The following NCAM1 variants were observed in gnomAD, a reference collection of about 807,000 sequenced individuals.
NCAM1 encodes neural cell adhesion molecule 1, also known as antigen recognized by monoclonal antibody 5.1H11.
NCAM1 carries 14 observed loss-of-function variants against 109.8 expected under a neutral mutation model. The observed-to-expected ratio is 0.13, with a 90% CI of 0.08 to 0.20. The LOEUF (loss-of-function observed/expected upper bound fraction) is 0.20. Among genes scored for constraint, NCAM1 ranks in the 10% least tolerant of loss-of-function variants. The pLI is 1.00. For synonymous variants in NCAM1, 418 were observed against 442.9 expected (o/e 0.94, Z 0.70); for missense variants, 774 against 1,109.9 (o/e 0.70, Z 4.30).
At chr11:113,018,928 C>G (rs1177596919) in intron 1 of NCAM1, among the ~76,000 whole-genome samples, 2 of 151,834 alleles carry the variant, frequency 1.3e-5, no homozygotes, top group Admixed American at 6.6e-5. Flanking sequence ...GAGGAAAGTG[C>G]TTATACAGAT....
At chr11:113,175,695 A>G (rs2136511694) in intron 1 of NCAM1, among the ~76,000 whole-genome samples, 1 of 152,364 alleles carries the variant, frequency 6.6e-6, no homozygotes, top group South Asian at 2.1e-4. Flanking sequence ...TGTTTTTCAT[A>G]CCATTCACCA....
intron 1 of NCAM1, among the ~76,000 whole-genome samples, chr11:113,009,322 T>G (rs797028955): frequency 0.16 from 20,383 of 131,186 alleles, 2,285 homozygotes; most frequent in African/African-American, 0.17. Flanking sequence ...GTTTTTTTTT[T>G]TTTTTTTTTT....
intron 19 of NCAM1, among the ~76,000 whole-genome samples, 199 bp downstream of exon 19, chr11:113,272,075 G>GT (rs1181078679): frequency 6.6e-6 from 1 of 152,110 alleles, no homozygotes; most frequent in Non-Finnish European, 1.5e-5. Context: ...TTCGGTGGCT[G>GT]TGGGTACCCT....
chr11:113,026,888 TA>T (rs1347276852), intron 1 of NCAM1, among the ~76,000 whole-genome samples: 1 of 152,208 alleles, frequency 6.6e-6, no homozygotes, highest in Admixed American at 6.5e-5. Flanking sequence ...GCCAGATATT[TA>T]GTATGTGGCA....
intron 1 of NCAM1, among the ~76,000 whole-genome samples, chr11:113,175,952 T>C (rs1379009563): frequency 6.6e-6 from 1 of 152,174 alleles, no homozygotes; most frequent in African/African-American, 2.4e-5. Context: ...CCTGATTTGA[T>C]TATGTGAATG....
rs542999416 is a variant in NCAM1, at chr11:113,065,862, A to T, written c.52+104198A>T. On this transcript the variant is annotated intron_variant, in intron 1 of 19. Coordinates refer to ENST00000316851, the MANE Select transcript of NCAM1 (RefSeq NM_181351.5). The stretch of plus-strand genomic sequence containing the variant: ...TATTGGTTCATTAATTACAACAAAT[A>T]TACCATGCTAATATAAGATGCTAAT... Among the ~76,000 whole-genome samples the T allele has an allele frequency of 7.9e-5, 12 of 152,384 alleles. No homozygotes were observed. The South Asian group carries it at 2.5e-3, about 32-fold the overall frequency.
At chr11:113,160,837 C>A (rs1467006449) in intron 1 of NCAM1, among the ~76,000 whole-genome samples, 1 of 152,174 alleles carries the variant, frequency 6.6e-6, no homozygotes, top group African/African-American at 2.4e-5. Flanking sequence ...GCTCGCTGGA[C>A]TCTGCTGGCC....
At chr11:113,074,099 C>A (rs9943574) in intron 1 of NCAM1, among the ~76,000 whole-genome samples, 33,691 of 152,048 alleles carry the variant, frequency 0.22, 4,014 homozygotes, top group East Asian at 0.48. Flanking sequence ...AAATAAGGTA[C>A]GTTATTTTAA....
At chr11:113,252,798 G>GTTTT (rs1565531031) in intron 15 of NCAM1, among the ~76,000 whole-genome samples, 4 of 44,780 alleles carry the variant, frequency 8.9e-5, no homozygotes, top group South Asian at 1.1e-3. Context: ...ACTATGCCCA[G>GTTTT]CTTTTTTTTT....
intron 1 of NCAM1, among the ~76,000 whole-genome samples, chr11:113,149,927 T>A (rs1942166047): frequency 6.6e-6 from 1 of 152,186 alleles, no homozygotes; most frequent in Non-Finnish European, 1.5e-5. Context: ...GATGTGGGAT[T>A]GACTCTCAGA....
At chr11:113,166,801 C>T (rs1321710664) in intron 1 of NCAM1, among the ~76,000 whole-genome samples, 1 of 152,162 alleles carries the variant, frequency 6.6e-6, no homozygotes, top group Non-Finnish European at 1.5e-5. Context: ...ATTCTACCTA[C>T]TGTATGTCAA....
chr11:112,996,058 A>T (rs1951588750), intron 1 of NCAM1, among the ~76,000 whole-genome samples: 1 of 152,158 alleles, frequency 6.6e-6, no homozygotes, highest in South Asian at 2.1e-4. Flanking sequence ...GATTTTTTTT[A>T]AAAGTCATTA....
chr11:113,058,360 G>A (rs921314609), intron 1 of NCAM1, among the ~76,000 whole-genome samples: 1 of 152,140 alleles, frequency 6.6e-6, no homozygotes, highest in African/African-American at 2.4e-5. Flanking sequence ...AGGGTGGTAT[G>A]TTTTCAATGA....
intron 1 of NCAM1, among the ~76,000 whole-genome samples, chr11:113,009,168 A>T (rs1237647475): frequency 6.6e-6 from 1 of 152,022 alleles, no homozygotes; most frequent in African/African-American, 2.4e-5. Context: ...TTCTTTTTCA[A>T]ATAGGACAGA....
At chr11:112,992,777 G>A (rs1951499085) in intron 1 of NCAM1, among the ~76,000 whole-genome samples, 1 of 152,202 alleles carries the variant, frequency 6.6e-6, no homozygotes, top group East Asian at 1.9e-4. Flanking sequence ...TAAGTGCTGG[G>A]ATTACAGGCG....
chr11:113,031,785 T>A (rs1174901240), intron 1 of NCAM1, among the ~76,000 whole-genome samples: 1 of 152,154 alleles, frequency 6.6e-6, no homozygotes, highest in Non-Finnish European at 1.5e-5. Flanking sequence ...CAACAGCAGC[T>A]GGGAAGGACA....
At chr11:113,077,750 G>A (rs182785458) in intron 1 of NCAM1, among the ~76,000 whole-genome samples, 4 of 151,256 alleles carry the variant, frequency 2.6e-5, no homozygotes, top group Admixed American at 6.6e-5. Context: ...GCAGTGGCGC[G>A]ATCTCGGCTC....
In NCAM1 at chr11:113,273,556, C is replaced by G; in HGVS notation, c.2456+1680C>G. The G allele has an allele frequency of 5.0e-6, 2 of 398,294 alleles. No individual in the cohort carries two copies. The highest frequency in any genetic ancestry group is 3.5e-5 in the South Asian group (2 of 56,360). The allele number at this position is 398,294 out of a possible 1,614,324, so 24.7% of individuals were successfully genotyped here. A position where few individuals can be genotyped will look rare whatever the true frequency, so the allele number is the denominator to read the frequency against. On this transcript the variant is annotated intron_variant, in intron 19 of 19. Coordinates refer to ENST00000316851, the MANE Select transcript of NCAM1 (RefSeq NM_181351.5). This position sits in a 1 kb window ranked among gnomAD's most constrained non-coding sequence, Gnocchi z 6.0. ...AAGAGCGAGGCTGCCTCCGTCAGCACCACAAACCCTTCCCAGGGCGAGGAC... is the reference window on the plus strand; with the variant it reads ...AAGAGCGAGGCTGCCTCCGTCAGCAGCACAAACCCTTCCCAGGGCGAGGAC...
In NCAM1 at chr11:113,274,261, C is replaced by T. The variant is rs1251298427; in HGVS notation, c.2457-1006C>T. Among the ~76,000 whole-genome samples the T allele has an allele frequency of 6.6e-6, 1 of 152,224 alleles. No homozygotes were observed. The highest frequency in any genetic ancestry group is 1.5e-5 in the Non-Finnish European group (1 of 68,038). On this transcript the variant is annotated intron_variant, in intron 19 of 19. Transcript: ENST00000316851. This position sits in a 1 kb window ranked among gnomAD's most constrained non-coding sequence, Gnocchi z 4.1. Reference sequence around the variant, plus strand: ...TCACCCTCCCCTCCCAACCCCGGCCCCCAGCCCACTCTTGCTTCTCCTGCT... The same window carrying T: ...TCACCCTCCCCTCCCAACCCCGGCCTCCAGCCCACTCTTGCTTCTCCTGCT...
Sources: gnomAD v4.1 joint callset for allele counts (sites outside exome capture counted in the v4.1 genomes callset) on GRCh38, gnomAD v4.1.1 for gene constraint, Gnocchi (gnomAD v3.1) non-coding constraint, MANE v1.5 for transcripts, NCBI Gene and HGNC (gene_info 2026-07-23, HGNC 2026-07-21) for gene names.